Variants in GSE1 observed in about 807,000 individuals in gnomAD.
GSE1 encodes Gse1 coiled-coil protein.
GSE1 carries 32 observed loss-of-function variants against 112.6 expected under a neutral mutation model. The ratio of observed to expected loss-of-function variants is 0.28; its 90% CI spans 0.21 to 0.38. GSE1 has a LOEUF of 0.38. GSE1 is among the 10% of genes least tolerant of loss of function. The pLI, the probability that GSE1 is intolerant of heterozygous loss-of-function variation, is 1.00. For synonymous variants in GSE1, 1,115 were observed against 735.6 expected (o/e 1.52, Z -8.35); for missense variants, 2,348 against 1,699.2 (o/e 1.38, Z -6.71).
At position 85,656,630 on chromosome 16, in the gene GSE1, G is replaced by A; in HGVS notation, c.1277G>A (p.Gly426Asp). 1.3e-6 allele frequency: 2 copies of A among 1,538,532 alleles called. No individual in the cohort carries two copies. Among genetic ancestry groups the A allele is most frequent in the Middle Eastern group, 1.9e-4 (1 of 5,292 alleles). ...GLRGHATEER[G>D]KPSEQLTPTR... The stretch of plus-strand genomic sequence containing the variant: ...CGTGGCCATGCCACTGAGGAGCGGG[G>A]CAAGCCCTCGGAGCAGCTGACCCCA... The change falls in exon 7 of 16, where the codon GGC becomes GAC. Residue 426 changes from glycine (G) to aspartate (D), a missense_variant. By Grantham distance (94) the Gly-to-Asp change is moderately conservative (BLOSUM62 -1). Transcript: ENST00000253458.
chr16:85,242,138 C>T (rs548116500), intron 1 of GSE1, among the ~76,000 whole-genome samples: 3 of 152,320 alleles, frequency 2.0e-5, no homozygotes, highest in Admixed American at 6.5e-5. Flanking sequence ...GCCCATCACA[C>T]GCCAGGCATC....
chr16:85,516,457 CAAA>C (rs71151299), intron 2 of GSE1, among the ~76,000 whole-genome samples: 1 of 69,444 alleles, frequency 1.4e-5, no homozygotes. Context: ...CCCATCTCTA[CAAA>C]AAAAAAAAAA....
In GSE1 at chr16:85,675,182, A is replaced by G. The variant is rs970413567; in HGVS notation, c.*2643A>G. ...TAAGTTTTTTGTTCAGCTACTTCACACTGAGTACCTCAAATCTGCTCTGGA... is the reference window on the plus strand; with the variant it reads ...TAAGTTTTTTGTTCAGCTACTTCACGCTGAGTACCTCAAATCTGCTCTGGA... On this transcript the variant is annotated 3_prime_UTR_variant, in exon 16 of 16. Coordinates refer to ENST00000253458, the MANE Select transcript of GSE1 (RefSeq NM_014615.5). 7 of 152,184 alleles carry G rather than the reference A, an allele frequency of 4.6e-5. No individual in the cohort carries two copies. Among genetic ancestry groups the G allele is most frequent in the Non-Finnish European group, 1.0e-4 (7 of 68,030 alleles). 9.4% of individuals were successfully genotyped at this position (152,184 alleles called of 1,614,324 possible).
At chr16:85,331,127 A>G (rs1056696725) in intron 1 of GSE1, among the ~76,000 whole-genome samples, 1 of 151,000 alleles carries the variant, frequency 6.6e-6, no homozygotes, top group African/African-American at 2.4e-5. Flanking sequence ...TTTTATTGTT[A>G]TTATTTATTT....
At chr16:85,399,143 G>T (rs1249122276) in intron 2 of GSE1, among the ~76,000 whole-genome samples, 1 of 152,166 alleles carries the variant, frequency 6.6e-6, no homozygotes, top group East Asian at 1.9e-4. Context: ...CACGTGGCTT[G>T]TGTGTGTCTG....
intron 1 of GSE1, among the ~76,000 whole-genome samples, chr16:85,572,363 A>C (rs1250157496): frequency 1.4e-5 from 2 of 146,108 alleles, no homozygotes; most frequent in Admixed American, 1.4e-4. Context: ...ACACACAATC[A>C]CACACCACAC....
At chr16:85,364,180 C>T (rs910953437) in intron 2 of GSE1, among the ~76,000 whole-genome samples, 2 of 152,186 alleles carry the variant, frequency 1.3e-5, no homozygotes, top group East Asian at 1.9e-4. Flanking sequence ...GGCTGGAGGC[C>T]GCCCGCATTC....
chr16:85,513,595 C>T (rs969109439), intron 2 of GSE1, among the ~76,000 whole-genome samples: 33 of 152,292 alleles, frequency 2.2e-4, no homozygotes, highest in African/African-American at 7.9e-4. Flanking sequence ...CTTTGTCTGT[C>T]CAGCTTCTAG....
At chr16:85,462,782 G>A (rs2050007086) in intron 2 of GSE1, among the ~76,000 whole-genome samples, 1 of 142,742 alleles carries the variant, frequency 7.0e-6, no homozygotes, top group South Asian at 2.2e-4. Flanking sequence ...GCGCCGCCAC[G>A]GCTGGCGGTG....
At chr16:85,293,647 C>T (rs527718756) in intron 1 of GSE1, among the ~76,000 whole-genome samples, 66 of 152,314 alleles carry the variant, frequency 4.3e-4, no homozygotes, top group African/African-American at 1.2e-3. Flanking sequence ...GTCAGCGGGA[C>T]GGCTTCCTTC....
chr16:85,549,325 C>T (rs999045040), intron 2 of GSE1, among the ~76,000 whole-genome samples: 18 of 152,112 alleles, frequency 1.2e-4, no homozygotes, highest in African/African-American at 4.1e-4. Context: ...TAGGCACACA[C>T]GCCACTAAAC....
chr16:85,479,579 C>G (rs182794773), intron 2 of GSE1, among the ~76,000 whole-genome samples: 1 of 152,204 alleles, frequency 6.6e-6, no homozygotes, highest in Non-Finnish European at 1.5e-5. Flanking sequence ...GCTGGGATTA[C>G]AGGTGTGAGC....
chr16:85,359,351 G>A, intron 2 of GSE1: 1 of 455,758 alleles, frequency 2.2e-6, no homozygotes. Flanking sequence ...GCTTTGGGCA[G>A]AGCCCTGCCC....
At chr16:85,228,331 T>C (rs1294819682) in intron 1 of GSE1, among the ~76,000 whole-genome samples, 1 of 152,066 alleles carries the variant, frequency 6.6e-6, no homozygotes, top group Non-Finnish European at 1.5e-5. Context: ...GCAGAGGAGG[T>C]TGTCCACACT....
chr16:85,525,452 G>C (rs192921576), intron 2 of GSE1, among the ~76,000 whole-genome samples: 2 of 152,346 alleles, frequency 1.3e-5, no homozygotes, highest in East Asian at 3.9e-4. Context: ...GAGGTGGCCA[G>C]GCTGGCCCTA....
intron 1 of GSE1, among the ~76,000 whole-genome samples, chr16:85,314,473 C>A (rs919600705): frequency 6.6e-6 from 1 of 152,142 alleles, no homozygotes; most frequent in Non-Finnish European, 1.5e-5. Context: ...CCTGGTGAGG[C>A]TGCAGGGCTT....
intron 1 of GSE1, among the ~76,000 whole-genome samples, chr16:85,576,538 C>A (rs1455936578): frequency 6.6e-6 from 1 of 152,182 alleles, no homozygotes; most frequent in South Asian, 2.1e-4. Flanking sequence ...GCATGTCTTC[C>A]TCTAGCAAGT....
intron 1 of GSE1, chr16:85,282,858 CCA>C (rs1312474809): frequency 6.6e-6 from 1 of 152,290 alleles, no homozygotes; most frequent in Non-Finnish European, 1.5e-5. Flanking sequence ...TGGCTTACAA[CCA>C]CAGTCATCAC....
intron 1 of GSE1, among the ~76,000 whole-genome samples, chr16:85,226,392 A>T (rs1366660728): frequency 6.6e-6 from 1 of 152,228 alleles, no homozygotes; most frequent in Non-Finnish European, 1.5e-5. Context: ...AAGGAAAATT[A>T]TGAAGTAAAA....
Sources: gnomAD v4.1 joint callset for allele counts (sites outside exome capture counted in the v4.1 genomes callset) on GRCh38, gnomAD v4.1.1 for gene constraint, MANE v1.5 for transcripts, NCBI Gene and HGNC (gene_info 2026-07-23, HGNC 2026-07-21) for gene names.